The following LRRC8D variants were observed in gnomAD, a reference collection of about 807,000 sequenced individuals.
The protein encoded by LRRC8D is leucine rich repeat containing 8 VRAC subunit D.
A neutral mutation model predicts 55.8 loss-of-function variants in LRRC8D; 20 were observed. The ratio of observed to expected loss-of-function variants is 0.36; its 90% CI spans 0.25 to 0.52. The LOEUF (loss-of-function observed/expected upper bound fraction) is 0.52, where lower values mean the gene tolerates loss of function less well. Among genes scored for constraint, LRRC8D ranks in the 20% least tolerant of loss-of-function variants. LRRC8D has a pLI of 0.93. For missense variants in LRRC8D, 651 were observed against 1,030.8 expected (o/e 0.63, Z 5.05); for synonymous variants, 352 against 377.0 (o/e 0.93, Z 0.77).
chr1:89,844,406 G>A (rs1268431363), intron 2 of LRRC8D, among the ~76,000 whole-genome samples: 1 of 152,152 alleles, frequency 6.6e-6, no homozygotes, highest in African/African-American at 2.4e-5. Flanking sequence ...GGCACACACC[G>A]GAAAGGTAGG....
intron 2 of LRRC8D, among the ~76,000 whole-genome samples, chr1:89,917,001 T>G (rs1181667443): frequency 6.6e-6 from 1 of 152,208 alleles, no homozygotes; most frequent in Non-Finnish European, 1.5e-5. Context: ...TGTGTTCCTA[T>G]TGTACAGGTA....
chr1:89,885,015 C>A (rs1662383035), intron 2 of LRRC8D, among the ~76,000 whole-genome samples: 1 of 152,188 alleles, frequency 6.6e-6, no homozygotes, highest in East Asian at 1.9e-4. Flanking sequence ...CTCTCATCCT[C>A]CCATCTCCCC....
intron 2 of LRRC8D, among the ~76,000 whole-genome samples, chr1:89,849,297 T>G (rs1479333172): frequency 2.0e-5 from 3 of 152,160 alleles, no homozygotes; most frequent in Non-Finnish European, 4.4e-5. Flanking sequence ...TTCCATGTAG[T>G]ATGTATTAAT....
At chr1:89,922,243 T>G (rs1663441998) in intron 2 of LRRC8D, among the ~76,000 whole-genome samples, 1 of 151,956 alleles carries the variant, frequency 6.6e-6, no homozygotes. Context: ...TTTTGTATTT[T>G]TACTAGAGAC....
chr1:89,929,564 C>T (rs1161242274), intron 2 of LRRC8D, among the ~76,000 whole-genome samples: 1 of 152,210 alleles, frequency 6.6e-6, no homozygotes, highest in Non-Finnish European at 1.5e-5. Flanking sequence ...TCACTTATCT[C>T]TCAATCTGCC....
chr1:89,860,224 A>AT (rs1347025012), intron 2 of LRRC8D, among the ~76,000 whole-genome samples: 1 of 152,238 alleles, frequency 6.6e-6, no homozygotes, highest in Non-Finnish European at 1.5e-5. Context: ...AAAATGTACA[A>AT]TTTAAGCTTT....
At chr1:89,889,560 A>T (rs1173885643) in intron 2 of LRRC8D, among the ~76,000 whole-genome samples, 29 of 149,146 alleles carry the variant, frequency 1.9e-4, no homozygotes, top group Non-Finnish European at 2.8e-4. Flanking sequence ...ATCTAAAACT[A>T]TACTGTTTAA....
At position 89,933,191 on chromosome 1, in the gene LRRC8D, T is replaced by C. The variant is rs1433170171; in HGVS notation, c.123T>C (p.Phe41=). Residue 41 remains phenylalanine (F), a synonymous_variant, in exon 3 of 3, where the codon TTT becomes TTC. Coordinates refer to ENST00000337338, the MANE Select transcript of LRRC8D (RefSeq NM_001134479.2). This position sits in a 1 kb window ranked among gnomAD's most constrained non-coding sequence, Gnocchi z 7.0. ...TTGTTATGTTAATGGTAGCCATCTT[T>C]GCAGGAACCATGCAACTTACCAAAG... ...LAVVMLMVAI[F]AGTMQLTKDQ... is the part of the protein sequence containing the mutation. 6.2e-7 allele frequency: 1 copy of C among 1,614,104 alleles called. No homozygotes were observed. Among genetic ancestry groups the C allele is most frequent in the Non-Finnish European group, 8.5e-7 (1 of 1,180,042 alleles).
intron 2 of LRRC8D, among the ~76,000 whole-genome samples, chr1:89,932,364 T>G (rs921099168): frequency 6.6e-6 from 1 of 152,192 alleles, no homozygotes; most frequent in African/African-American, 2.4e-5. Context: ...GCTATATATA[T>G]TGATAAATCC....
rs1202910069 is a variant in LRRC8D at position 89,933,410 on chromosome 1, A to G, written c.342A>G (p.Thr114=). Residue 114 remains threonine (T), a synonymous_variant, in exon 3 of 3, where the codon ACA becomes ACG. Transcript: ENST00000337338. The surrounding 1 kb of genome is among the most constrained non-coding windows in gnomAD (Gnocchi z 7.0). ...AVTPDIPLRA[T]YPRTDFALPN... is the part of the protein sequence containing the mutation. ...CACCTGACATACCTCTCAGAGCCAC[A>G]TATCCTCGCACAGATTTCGCACTTC... 3 of 1,614,168 alleles carry G rather than the reference A, an allele frequency of 1.9e-6. No individual in the cohort carries two copies. In the Admixed American group the frequency reaches 5.0e-5, roughly 27 times the overall value.
intron 2 of LRRC8D, among the ~76,000 whole-genome samples, chr1:89,910,061 C>A (rs888319420): frequency 1.3e-5 from 2 of 152,036 alleles, no homozygotes; most frequent in African/African-American, 4.8e-5. Flanking sequence ...GTTGTTTATT[C>A]TTTTAAGAAT....
chr1:89,885,596 G>C (rs1279061323), intron 2 of LRRC8D, among the ~76,000 whole-genome samples: 1 of 152,146 alleles, frequency 6.6e-6, no homozygotes, highest in African/African-American at 2.4e-5. Flanking sequence ...TGTTTGGAAA[G>C]GGCAAAAAGG....
At chr1:89,832,160 G>A (rs140821081) in intron 1 of LRRC8D, among the ~76,000 whole-genome samples, 36 of 152,292 alleles carry the variant, frequency 2.4e-4, no homozygotes, top group African/African-American at 7.9e-4. Context: ...CCTGTCTTTA[G>A]TTTTATTTGC....
Position 89,936,049 on chromosome 1 carries a change from A to G in LRRC8D, c.*404A>G. On this transcript the variant is annotated 3_prime_UTR_variant, in exon 3 of 3. Coordinates refer to ENST00000337338, the MANE Select transcript of LRRC8D (RefSeq NM_001134479.2). ...ATTTACTTTGCTTAATTGGTGCAATATTGCTTTAACTCCGTTCACTAAAGA... is the reference window on the plus strand; with the variant it reads ...ATTTACTTTGCTTAATTGGTGCAATGTTGCTTTAACTCCGTTCACTAAAGA... 5.5e-6 allele frequency: 1 copy of G among 181,358 alleles called. No homozygotes were observed. The highest frequency in any genetic ancestry group is 1.3e-5 in the Non-Finnish European group (1 of 77,024). The allele number at this position is 181,358 out of a possible 1,614,324, so 11.2% of individuals were successfully genotyped here.
chr1:89,827,476 G>T (rs1660793242), intron 1 of LRRC8D, among the ~76,000 whole-genome samples: 1 of 152,042 alleles, frequency 6.6e-6, no homozygotes, highest in African/African-American at 2.4e-5. Flanking sequence ...AATGACCATT[G>T]TAATGATACC....
rs567086542 is a variant in LRRC8D, at chr1:89,884,126, C to T, written c.-3+40344C>T. Among the ~76,000 whole-genome samples, 8 of 152,270 alleles carry T rather than the reference C, an allele frequency of 5.3e-5. No homozygotes were observed. The East Asian group carries it at 1.2e-3, about 22-fold the overall frequency. ...AAGAAAGTAGGGCACGTTGTTTGAA[C>T]GGCATCTAGTCATGCTACAGCCTGC... On this transcript the variant is annotated intron_variant, in intron 2 of 2. Transcript: ENST00000337338.
In LRRC8D at chr1:89,859,178, G is replaced by T. The variant is rs543117764; in HGVS notation, c.-3+15396G>T. Among the ~76,000 whole-genome samples the T allele has an allele frequency of 1.4e-4, 22 of 151,942 alleles. No homozygotes were observed. In the South Asian group the frequency reaches 4.4e-3, roughly 30 times the overall value. On this transcript the variant is annotated intron_variant, in intron 2 of 2. Coordinates refer to ENST00000337338, the MANE Select transcript of LRRC8D (RefSeq NM_001134479.2). ...GAAATGTAATTGAATTTTTAAATTC[G>T]CATTACAAGTCATAATAGTAGACTA...
chr1:89,901,706 T>A (rs781140135), intron 2 of LRRC8D, among the ~76,000 whole-genome samples: 91 of 152,320 alleles, frequency 6.0e-4, no homozygotes, highest in African/African-American at 1.7e-3. Flanking sequence ...ATATTTTTTT[T>A]AAAAAATAAT....
intron 2 of LRRC8D, among the ~76,000 whole-genome samples, chr1:89,852,079 A>G (rs951698480): frequency 6.6e-6 from 1 of 152,058 alleles, no homozygotes; most frequent in African/African-American, 2.4e-5. Context: ...TTAACTGCTG[A>G]GATTTACCAA....
Sources: allele counts gnomAD v4.1 joint callset (sites outside exome capture counted in the v4.1 genomes callset), GRCh38; gene constraint gnomAD v4.1.1; non-coding constraint Gnocchi (gnomAD v3.1); transcripts MANE v1.5; gene names NCBI Gene and HGNC (gene_info 2026-07-23, HGNC 2026-07-21).